The following MARS1 variants were observed in gnomAD, a reference collection of about 807,000 sequenced individuals.
MARS1 encodes methionyl-tRNA synthetase 1.
A neutral mutation model predicts 119.5 loss-of-function variants in MARS1; 80 were observed. The ratio of observed to expected loss-of-function variants is 0.67; its 90% CI spans 0.56 to 0.81. The LOEUF (loss-of-function observed/expected upper bound fraction) is 0.81. Among genes scored for constraint, MARS1 ranks in the 30% least tolerant of loss-of-function variants. The pLI is 0.00. For synonymous variants in MARS1, 418 were observed against 433.4 expected, an observed-to-expected ratio of 0.96 and a Z score of 0.44; for missense variants, 945 against 1,116.5, an observed-to-expected ratio of 0.85 and a Z score of 2.19.
rs542158044 is a variant in MARS1 at position 57,488,315 on chromosome 12, C to T, written c.109+116C>T. 9.3e-5 allele frequency: 87 copies of T among 930,880 alleles called. No individual in the cohort carries two copies. The African/African-American group carries it at 1.2e-3, about 13-fold the overall frequency. 57.7% of individuals were successfully genotyped at this position (930,880 alleles called of 1,614,324 possible). A position where few individuals can be genotyped will look rare whatever the true frequency, so the allele number is the denominator to read the frequency against. ...CCTCGCCACACACCCCAATCGACCA[C>T]TTCTCCTATTATCCTTGATCACTCC... On this transcript the variant is annotated intron_variant, in intron 1 of 20. Coordinates refer to ENST00000262027, the MANE Select transcript of MARS1 (RefSeq NM_004990.4).
Position 57,512,834 on chromosome 12 carries a change from C to G in MARS1, c.1837C>G (p.Pro613Ala). The G allele has an allele frequency of 6.2e-7, 1 of 1,614,222 alleles. No homozygotes were observed. The highest frequency in any genetic ancestry group is 8.5e-7 in the Non-Finnish European group (1 of 1,180,032). ...FGDMAQDTGI[P>A]ADIWRFYLLY... ...GGACATGGCCCAGGACACGGGGATC[C>G]CTGCTGACATCTGGCGCTTCTATCT... Residue 613 changes from proline (P) to alanine (A), a missense_variant, in exon 15 of 21, where the codon CCT becomes GCT. Coordinates refer to ENST00000262027, the MANE Select transcript of MARS1 (RefSeq NM_004990.4).
chr12:57,499,284 CAAAA>C (rs35924774), intron 9 of MARS1, among the ~76,000 whole-genome samples: 1 of 37,912 alleles, frequency 2.6e-5, no homozygotes, highest in Non-Finnish European at 4.9e-5. Flanking sequence ...AACTCTGTCT[CAAAA>C]AAAAAAAAAA....
intron 7 of MARS1, among the ~76,000 whole-genome samples, chr12:57,491,995 C>T (rs914080169): frequency 3.9e-5 from 6 of 152,082 alleles, no homozygotes; most frequent in Non-Finnish European, 7.4e-5. Flanking sequence ...TTTGAAAAGT[C>T]CAGGCCGGGC....
rs1407451798 is a variant in MARS1 at position 57,507,683 on chromosome 12, C to T, written c.1368+3384C>T. Among the ~76,000 whole-genome samples, 3 of 106,316 alleles carry T rather than the reference C, an allele frequency of 2.8e-5. 1 individual carries two copies. Among genetic ancestry groups the T allele is most frequent in the African/African-American group, 9.5e-5 (3 of 31,442 alleles). The allele number at this position is 106,316 out of a possible 152,430, so 69.7% of individuals were successfully genotyped here. The stretch of plus-strand genomic sequence containing the variant: ...TCTGGCCCCCCACCTCCCTCCCGGA[C>T]GGGACGGCTGGCCGGGCGGGGGTCT... On this transcript the variant is annotated intron_variant, in intron 11 of 20. Transcript: ENST00000262027.
chr12:57,511,733 A>G lies in MARS1; in HGVS notation c.1404A>G (p.Thr468=). The change falls in exon 12 of 21, where the codon ACA becomes ACG. Residue 468 remains threonine, a synonymous_variant. Transcript: ENST00000262027. ...EKRLEEWLGR[T]LPGSDWTPNA... is the part of the protein sequence containing the mutation. The stretch of plus-strand genomic sequence containing the variant: ...GACTGGAGGAGTGGTTGGGGAGGAC[A>G]TTGCCTGGCAGTGACTGGACACCCA... The G allele has an allele frequency of 6.2e-7, 1 of 1,614,174 alleles. No homozygotes were observed. Among genetic ancestry groups the G allele is most frequent in the Non-Finnish European group, 8.5e-7 (1 of 1,180,038 alleles).
chr12:57,516,206 A>T, intron 19 of MARS1, 39 bp from the exon 20 acceptor site: 1 of 1,571,862 alleles, frequency 6.4e-7, no homozygotes, highest in Non-Finnish European at 8.8e-7. Context: ...AGGTTAGGGG[A>T]TATTTATGGT....
intron 1 of MARS1, chr12:57,488,530 G>T: frequency 4.6e-6 from 7 of 1,524,934 alleles, no homozygotes; most frequent in Non-Finnish European, 5.3e-6. Context: ...TTACTAGCAT[G>T]ACAGCCCCCA....
At chr12:57,499,682 C>T (rs939742654) in intron 9 of MARS1, among the ~76,000 whole-genome samples, 27 of 151,526 alleles carry the variant, frequency 1.8e-4, no homozygotes, top group African/African-American at 6.3e-4. Context: ...GGGTGGATCA[C>T]GAGGTCAGGA....
Position 57,512,872 on chromosome 12 carries a change from G to A in MARS1, c.1875G>A (p.Arg625=). 6.2e-7 allele frequency: 1 copy of A among 1,614,230 alleles called. No individual in the cohort carries two copies. The highest frequency in any genetic ancestry group is 8.5e-7 in the Non-Finnish European group (1 of 1,180,040). Reference sequence around the variant, plus strand: ...GGCGCTTCTATCTGCTGTACATTCGGCCTGAGGGCCAGGACAGTGCTTTCT... The same window carrying A: ...GGCGCTTCTATCTGCTGTACATTCGACCTGAGGGCCAGGACAGTGCTTTCT... The part of the protein sequence containing the change: ...DIWRFYLLYI[R]PEGQDSAFSW... Residue 625 remains arginine, a synonymous_variant, in exon 15 of 21, where the codon CGG becomes CGA. Transcript: ENST00000262027.
rs533718928 is a variant in MARS1 at position 57,496,902 on chromosome 12, G to A, written c.771-1255G>A. Among the ~76,000 whole-genome samples the A allele has an allele frequency of 8.5e-5, 13 of 152,292 alleles. No individual in the cohort carries two copies. In the East Asian group the frequency reaches 2.3e-3, roughly 27 times the overall value. The stretch of plus-strand genomic sequence containing the variant: ...CTATGGGCAGACTAAGCTGTGTTGG[G>A]CTAGAGTGCTTGCCTTCCTTTGATC... On this transcript the variant is annotated intron_variant, in intron 7 of 20. Coordinates refer to ENST00000262027, the MANE Select transcript of MARS1 (RefSeq NM_004990.4).
Position 57,515,900 on chromosome 12 carries a change from C to T in MARS1, c.2392-20C>T, listed in dbSNP as rs185969747. On this transcript the variant is annotated intron_variant, in intron 18 of 20. Coordinates refer to ENST00000262027, the MANE Select transcript of MARS1 (RefSeq NM_004990.4). The stretch of plus-strand genomic sequence containing the variant: ...GTCTGTATCCAATCAGTAGATGATT[C>T]TGGAACTCTTTTTTTACAGGTCAGT... The T allele has an allele frequency of 6.2e-7, 1 of 1,601,412 alleles. No individual in the cohort carries two copies. The highest frequency in any genetic ancestry group is 1.7e-5 in the Admixed American group (1 of 59,682).
intron 19 of MARS1, 95 bp downstream of exon 19, chr12:57,516,086 C>G (rs906748165): frequency 7.0e-7 from 1 of 1,436,240 alleles, no homozygotes; most frequent in Non-Finnish European, 9.8e-7. Context: ...CTCTTTCCAT[C>G]TTTTGGCCCT....
intron 2 of MARS1, 31 bp from the exon 3 acceptor site, chr12:57,489,236 G>A (rs1280686605): frequency 1.2e-6 from 2 of 1,611,954 alleles, no homozygotes; most frequent in East Asian, 4.5e-5. Flanking sequence ...GCCCCTCTAA[G>A]TCCATCATCT....
At chr12:57,496,147 A>AGCC (rs1011534928) in intron 7 of MARS1, among the ~76,000 whole-genome samples, 1 of 150,422 alleles carries the variant, frequency 6.6e-6, no homozygotes, top group African/African-American at 2.4e-5. Context: ...TACAGGCATG[A>AGCC]GCCACTGCAC....
rs777483893 is a variant in MARS1, at chr12:57,489,220, A to T, written c.201-47A>T. ...TTCCCTGTGTGATGAGAAATGGGCT[A>T]AATGGGCCCCTCTAAGTCCATCATC... On this transcript the variant is annotated intron_variant, in intron 2 of 20. Coordinates refer to ENST00000262027, the MANE Select transcript of MARS1 (RefSeq NM_004990.4). 2.2e-5 allele frequency: 35 copies of T among 1,605,190 alleles called. No individual in the cohort carries two copies. In the South Asian group the frequency reaches 3.6e-4, roughly 17 times the overall value.
chr12:57,511,701 G>GAGA lies in MARS1; in HGVS notation c.1375_1377dup (p.Lys459dup). The GAGA allele has an allele frequency of 1.2e-6, 2 of 1,614,140 alleles. No individual in the cohort carries two copies. Among genetic ancestry groups the GAGA allele is most frequent in the South Asian group, 2.2e-5 (2 of 91,082 alleles). Reference sequence around the variant, plus strand: ...CCCTCTTTCTCCGTTATCTCAGCTGGAGAAGCGACTGGAGGAGTGGTTGGG... The same window carrying GAGA: ...CCCTCTTTCTCCGTTATCTCAGCTGGAGAAGAAGCGACTGGAGGAGTGGTTGGG... On this transcript the variant is annotated inframe_insertion, in exon 12 of 21. Coordinates refer to ENST00000262027, the MANE Select transcript of MARS1 (RefSeq NM_004990.4).
At chr12:57,503,196 A>G (rs999379805) in intron 10 of MARS1, among the ~76,000 whole-genome samples, 5 of 151,828 alleles carry the variant, frequency 3.3e-5, no homozygotes, top group South Asian at 2.1e-4. Context: ...TTTATGCCAC[A>G]CAAATAAATT....
At chr12:57,488,576 C>G in intron 1 of MARS1, 1 of 1,550,872 alleles carries the variant, frequency 6.4e-7, no homozygotes, top group Non-Finnish European at 8.7e-7. Flanking sequence ...TCCCTCTCTC[C>G]CCTCCTAACA....
At chr12:57,498,813 C>G (rs1469355985) in intron 9 of MARS1, among the ~76,000 whole-genome samples, 190 bp downstream of exon 9, 1 of 152,096 alleles carries the variant, frequency 6.6e-6, no homozygotes, top group African/African-American at 2.4e-5. Flanking sequence ...TGACCAGGAG[C>G]TGAAGGAGCA....
Sources: allele counts gnomAD v4.1 joint callset (sites outside exome capture counted in the v4.1 genomes callset), GRCh38; gene constraint gnomAD v4.1.1; transcripts MANE v1.5; gene names NCBI Gene and HGNC (gene_info 2026-07-23, HGNC 2026-07-21).